SPECC1: variants seen among roughly 807,000 people sequenced by gnomAD.
SPECC1 encodes the protein sperm antigen with calponin homology and coiled-coil domains 1.
In SPECC1, 62 loss-of-function variants were observed where a neutral mutation model predicts 104.1. The ratio of observed to expected loss-of-function variants is 0.60; its 90% confidence interval spans 0.49 to 0.74. SPECC1 has a LOEUF of 0.74. Ranked by LOEUF, SPECC1 falls within the 30% of genes least tolerant of loss-of-function variation. SPECC1 has a pLI of 0.00. For missense variants in SPECC1, 1,306 were observed against 1,310.5 expected, an observed-to-expected ratio of 1.00 and a Z score of 0.05; for synonymous variants, 513 against 501.6, an observed-to-expected ratio of 1.02 and a Z score of -0.30.
intron 1 of SPECC1, among the ~76,000 whole-genome samples, chr17:20,034,605 CT>C (rs375147469): frequency 0.072 from 9,581 of 132,206 alleles, 746 homozygotes; most frequent in African/African-American, 0.24. Context: ...TCTATTTTTC[CT>C]TTTTTTTTTT....
chr17:20,279,124 T>C (rs2040672343), intron 12 of SPECC1, among the ~76,000 whole-genome samples: 1 of 152,144 alleles, frequency 6.6e-6, no homozygotes, highest in Admixed American at 6.5e-5. Flanking sequence ...GGACAGCATG[T>C]GAGTCTATTT....
chr17:20,074,889 A>G (rs1165614692), intron 1 of SPECC1, among the ~76,000 whole-genome samples: 1 of 151,914 alleles, frequency 6.6e-6, no homozygotes, highest in Non-Finnish European at 1.5e-5. Context: ...CCTCATTCCA[A>G]TTTTATTTTT....
intron 1 of SPECC1, among the ~76,000 whole-genome samples, chr17:20,093,404 G>C (rs888751674): frequency 1.3e-5 from 2 of 152,174 alleles, no homozygotes; most frequent in Admixed American, 1.3e-4. Context: ...TCAGATCATA[G>C]CAGGAGGTGA....
chr17:20,260,841 A>AT (rs1317994783), intron 12 of SPECC1, among the ~76,000 whole-genome samples: 1 of 151,792 alleles, frequency 6.6e-6, no homozygotes, highest in African/African-American at 2.4e-5. Flanking sequence ...GGGGTAGGGG[A>AT]TGTGGGTCAG....
intron 1 of SPECC1, among the ~76,000 whole-genome samples, chr17:20,033,275 A>AT (rs1271917338): frequency 1.3e-5 from 2 of 151,882 alleles, no homozygotes; most frequent in Non-Finnish European, 2.9e-5. Flanking sequence ...GTATATATAT[A>AT]TTTTTTGGTT....
intron 3 of SPECC1, among the ~76,000 whole-genome samples, chr17:20,184,692 T>C (rs758610086): frequency 2.6e-5 from 4 of 152,198 alleles, no homozygotes; most frequent in Non-Finnish European, 4.4e-5. Context: ...TGTAAAGTAT[T>C]TGGTACCGTA....
rs189355182 is a variant in SPECC1 at position 20,255,624 on chromosome 17, G to A, written c.2681-1827G>A. ...GCTGTCACACAGGCAGGAGTGCAGT[G>A]GCATTATCATAGCTCACTACAGCCT... On this transcript the variant is annotated intron_variant, in intron 10 of 14. Transcript: ENST00000395527. Among the ~76,000 whole-genome samples, 191 of 152,254 alleles carry A rather than the reference G, an allele frequency of 1.3e-3. 1 individual carries two copies. The highest frequency in any genetic ancestry group is 4.5e-3 in the African/African-American group (185 of 41,550).
intron 1 of SPECC1, among the ~76,000 whole-genome samples, chr17:20,014,955 A>G (rs921715814): frequency 2.6e-5 from 4 of 152,174 alleles, no homozygotes; most frequent in African/African-American, 7.2e-5. Context: ...GGGTTTCACC[A>G]TGTTGGCCTG....
chr17:20,051,884 G>C (rs1393383379), intron 1 of SPECC1, among the ~76,000 whole-genome samples: 3 of 152,150 alleles, frequency 2.0e-5, no homozygotes, highest in Non-Finnish European at 4.4e-5. Flanking sequence ...AGTTTGATAC[G>C]TTCCTGTACA....
chr17:20,110,658 G>A, intron 3 of SPECC1, 96 bp downstream of exon 3: 1 of 1,364,674 alleles, frequency 7.3e-7, no homozygotes, highest in Non-Finnish European at 9.7e-7. Context: ...CTTCCCTCGT[G>A]AAATATTTCT....
intron 7 of SPECC1, among the ~76,000 whole-genome samples, chr17:20,241,755 T>C (rs908883670): frequency 3.3e-5 from 5 of 152,232 alleles, no homozygotes; most frequent in Non-Finnish European, 5.9e-5. Flanking sequence ...AGATATTGTT[T>C]GACACCTAAG....
At chr17:20,086,786 T>G (rs186719588) in intron 1 of SPECC1, among the ~76,000 whole-genome samples, 16 of 152,298 alleles carry the variant, frequency 1.1e-4, no homozygotes, top group Admixed American at 9.8e-4. Flanking sequence ...AGAGGGTTTG[T>G]CCCCTTCCTC....
chr17:20,093,681 C>T lies in SPECC1; in HGVS notation c.-21-2950C>T, dbSNP rs147850296. On this transcript the variant is annotated intron_variant, in intron 1 of 14. Transcript: ENST00000395527. Reference sequence around the variant, plus strand: ...AGTAGGAGTCCTTCCTGCAAGTGGACGGAGGGCACCATATTGTGGGTTTTT... The same window carrying T: ...AGTAGGAGTCCTTCCTGCAAGTGGATGGAGGGCACCATATTGTGGGTTTTT... 5.3e-5 allele frequency among the ~76,000 whole-genome samples: 8 copies of T among 150,904 alleles called. No homozygotes were observed. In the East Asian group the frequency reaches 9.7e-4, roughly 18 times the overall value.
intron 3 of SPECC1, among the ~76,000 whole-genome samples, chr17:20,128,711 C>A (rs1283245466): frequency 6.6e-6 from 1 of 151,572 alleles, no homozygotes; most frequent in African/African-American, 2.4e-5. Context: ...TTTTTCTTCC[C>A]AGCTTCCCCC....
chr17:20,107,324 C>T (rs1031272933), intron 2 of SPECC1, among the ~76,000 whole-genome samples: 3 of 151,592 alleles, frequency 2.0e-5, no homozygotes, highest in Admixed American at 6.6e-5. Flanking sequence ...AGACATCCAC[C>T]ATCAGGCTGG....
intron 1 of SPECC1, among the ~76,000 whole-genome samples, chr17:20,011,815 G>A (rs775470497): frequency 1.2e-4 from 18 of 151,808 alleles, no homozygotes; most frequent in Non-Finnish European, 1.9e-4. Context: ...CCCTTCCAAC[G>A]AGACATTATT....
At chr17:20,269,455 C>T (rs1434159878) in intron 12 of SPECC1, among the ~76,000 whole-genome samples, 1 of 152,178 alleles carries the variant, frequency 6.6e-6, no homozygotes, top group Non-Finnish European at 1.5e-5. Context: ...GATGGGGTTT[C>T]AGTCTTGTTG....
chr17:20,144,984 A>G (rs1316409725), intron 3 of SPECC1, among the ~76,000 whole-genome samples: 1 of 152,240 alleles, frequency 6.6e-6, no homozygotes. Context: ...AAGCCCTATT[A>G]AGGCTAAAAA....
At chr17:20,063,724 A>G (rs1309250771) in intron 1 of SPECC1, among the ~76,000 whole-genome samples, 1 of 152,226 alleles carries the variant, frequency 6.6e-6, no homozygotes, top group East Asian at 1.9e-4. Context: ...GAATCCATCA[A>G]GAAATGAGTC....
Sources: allele counts gnomAD v4.1 joint callset (sites outside exome capture counted in the v4.1 genomes callset), GRCh38; gene constraint gnomAD v4.1.1; transcripts MANE v1.5; gene names NCBI Gene and HGNC (gene_info 2026-07-23, HGNC 2026-07-21).